LAMA1: variants seen among roughly 807,000 people sequenced by gnomAD.
The protein encoded by LAMA1 is laminin subunit alpha 1.
Under a neutral mutation model 348.7 loss-of-function variants are expected in LAMA1, and 219 were observed. The observed-to-expected ratio is 0.63, with a 90% CI of 0.56 to 0.70. The LOEUF (loss-of-function observed/expected upper bound fraction) is 0.70, where lower values mean the gene tolerates loss of function less well. Among genes scored for constraint, LAMA1 ranks in the 30% least tolerant of loss-of-function variants. The pLI, the probability that LAMA1 is intolerant of heterozygous loss-of-function variation, is 0.00. For missense variants in LAMA1, 3,744 were observed against 3,888.0 expected (o/e 0.96, Z 0.99); for synonymous variants, 1,487 against 1,491.0 (o/e 1.00, Z 0.06).
chr18:7,112,760 C>T (rs1319392120), intron 1 of LAMA1, among the ~76,000 whole-genome samples: 1 of 151,914 alleles, frequency 6.6e-6, no homozygotes, highest in East Asian at 1.9e-4. Context: ...CCTCAGCCTC[C>T]TGAGTAGCTG....
At chr18:6,947,584 C>T (rs566998227) in intron 60 of LAMA1, among the ~76,000 whole-genome samples, 2 of 152,326 alleles carry the variant, frequency 1.3e-5, no homozygotes, top group Admixed American at 6.5e-5. Flanking sequence ...CCTGTGGACA[C>T]GTCCTCCCTG....
At chr18:7,062,215 G>A (rs1296773311) in intron 3 of LAMA1, among the ~76,000 whole-genome samples, 2 of 152,218 alleles carry the variant, frequency 1.3e-5, no homozygotes, top group Non-Finnish European at 2.9e-5. Flanking sequence ...TGGAGGCTGT[G>A]AGAGTGTCTG....
At chr18:6,955,795 C>T in intron 56 of LAMA1, 1 of 400,698 alleles carries the variant, frequency 2.5e-6, no homozygotes, top group Non-Finnish European at 4.8e-6. Flanking sequence ...CCCGCCGTGA[C>T]CCGAGGTTTT....
At chr18:7,015,322 T>G (rs2057882050) in intron 22 of LAMA1, among the ~76,000 whole-genome samples, 2 of 152,180 alleles carry the variant, frequency 1.3e-5, no homozygotes, top group African/African-American at 4.8e-5. Flanking sequence ...CAGGCTGAAG[T>G]GCAGTGTTGC....
At chr18:7,116,918 C>T (rs2058359002) in intron 1 of LAMA1, among the ~76,000 whole-genome samples, 1 of 152,194 alleles carries the variant, frequency 6.6e-6, no homozygotes, top group Non-Finnish European at 1.5e-5. Context: ...CCTTGCAACG[C>T]GCATGCAAGG....
chr18:7,096,603 C>T (rs929940514), intron 1 of LAMA1, among the ~76,000 whole-genome samples: 22 of 151,866 alleles, frequency 1.4e-4, no homozygotes, highest in African/African-American at 5.1e-4. Context: ...TGCAATGAGC[C>T]GTGATCACAC....
At chr18:7,031,987 TA>T (rs113133818) in intron 16 of LAMA1, 78 bp downstream of exon 16, 210 of 1,098,168 alleles carry the variant, frequency 1.9e-4, no homozygotes, top group Non-Finnish European at 2.4e-4. Context: ...AGGAAGCACT[TA>T]AAAAAAAATC....
intron 3 of LAMA1, among the ~76,000 whole-genome samples, chr18:7,076,433 T>G (rs1397762671): frequency 4.6e-5 from 7 of 152,140 alleles, no homozygotes. Context: ...ATCAGGTCTC[T>G]AGAGCTGAAT....
chr18:7,031,976 G>C, intron 16 of LAMA1, 90 bp downstream of exon 16: 1 of 932,770 alleles, frequency 1.1e-6, no homozygotes, highest in Non-Finnish European at 1.7e-6. Flanking sequence ...TTATTCCGTG[G>C]AGGAAGCACT....
At chr18:7,067,493 A>C (rs2058127345) in intron 3 of LAMA1, among the ~76,000 whole-genome samples, 1 of 150,830 alleles carries the variant, frequency 6.6e-6, no homozygotes, top group Admixed American at 6.6e-5. Flanking sequence ...AATTCAGGAC[A>C]GCGGTTCCTC....
chr18:6,982,708 C>T (rs1347037221), intron 40 of LAMA1, 118 bp from the exon 41 acceptor site: 7 of 843,162 alleles, frequency 8.3e-6, no homozygotes, highest in Admixed American at 3.6e-5. Context: ...AGAAAGTCAG[C>T]CAGGTACCAG....
At chr18:7,069,445 G>T (rs1470727083) in intron 3 of LAMA1, among the ~76,000 whole-genome samples, 1 of 152,154 alleles carries the variant, frequency 6.6e-6, no homozygotes, top group African/African-American at 2.4e-5. Context: ...TGATGCAGTA[G>T]CAGTTTTAAA....
chr18:7,034,410 T>C, intron 14 of LAMA1, 69 bp downstream of exon 14: 1 of 1,119,812 alleles, frequency 8.9e-7, no homozygotes, highest in Non-Finnish European at 1.3e-6. Flanking sequence ...GCTTTAAATA[T>C]ATATGAATAA....
Position 7,080,020 on chromosome 18 carries a change from A to G in LAMA1, c.300T>C (p.Asn100=). 1.9e-6 allele frequency: 3 copies of G among 1,614,158 alleles called. No homozygotes were observed. The highest frequency in any genetic ancestry group is 2.5e-6 in the Non-Finnish European group (3 of 1,180,002). Residue 100 remains asparagine (N), a synonymous_variant, in exon 3 of 63, where the codon AAT becomes AAC. Coordinates refer to ENST00000389658, the MANE Select transcript of LAMA1 (RefSeq NM_005559.4). ...TTGTGACCCAGTGATATTCTCTCCC[A>G]TTCTGAATGCTGGGACTTTGCCACC... The part of the protein sequence containing the change: ...NNWWQSPSIQ[N]GREYHWVTIT...
At chr18:7,049,551 TG>T (rs952240237) in intron 4 of LAMA1, among the ~76,000 whole-genome samples, 1 of 152,180 alleles carries the variant, frequency 6.6e-6, no homozygotes, top group African/African-American at 2.4e-5. Context: ...CCGCCTGCCT[TG>T]CCTCCCAAAA....
intron 1 of LAMA1, among the ~76,000 whole-genome samples, chr18:7,111,642 G>A (rs187011995): frequency 1.6e-4 from 24 of 152,144 alleles, no homozygotes; most frequent in Admixed American, 1.4e-3. Context: ...TTCTATGAAG[G>A]GTTTTTCCTC....
At chr18:7,036,683 T>C (rs917607994) in intron 12 of LAMA1, among the ~76,000 whole-genome samples, 1 of 152,110 alleles carries the variant, frequency 6.6e-6, no homozygotes, top group Admixed American at 6.5e-5. Flanking sequence ...TAAAATCATA[T>C]CAATAGAGCA....
chr18:7,044,208 T>A (rs2058032814), intron 7 of LAMA1, among the ~76,000 whole-genome samples: 2 of 142,384 alleles, frequency 1.4e-5, no homozygotes, highest in East Asian at 2.1e-4. Flanking sequence ...ATGGCATGCA[T>A]AGTACATTGT....
intron 41 of LAMA1, 52 bp downstream of exon 41, chr18:6,982,445 G>A (rs957071661): frequency 1.4e-6 from 2 of 1,465,628 alleles, no homozygotes; most frequent in African/African-American, 1.4e-5. Context: ...GCTGCTCAGC[G>A]AGACGCTCAC....
Sources: allele counts gnomAD v4.1 joint callset (sites outside exome capture counted in the v4.1 genomes callset), GRCh38; gene constraint gnomAD v4.1.1; transcripts MANE v1.5; gene names NCBI Gene and HGNC (gene_info 2026-07-23, HGNC 2026-07-21).